The following NBAS variants were observed in gnomAD, a reference collection of about 807,000 sequenced individuals.
NBAS encodes the protein NBAS subunit of NRZ tethering complex, also known as NAG/BC035112 fusion.
NBAS carries 219 observed loss-of-function variants against 302.5 expected under a neutral mutation model. The observed-to-expected ratio is 0.72, with a 90% CI of 0.65 to 0.81. The LOEUF (loss-of-function observed/expected upper bound fraction) is 0.81. Among genes scored for constraint, NBAS ranks in the 30% least tolerant of loss-of-function variants. The pLI is 0.00. For synonymous variants in NBAS, 1,118 were observed against 1,021.6 expected (o/e 1.09, Z -1.80); for missense variants, 2,932 against 2,841.6 (o/e 1.03, Z -0.72).
chr2:15,268,473 T>C (rs2148034959), intron 44 of NBAS, among the ~76,000 whole-genome samples: 1 of 152,314 alleles, frequency 6.6e-6, no homozygotes, highest in East Asian at 1.9e-4. Context: ...GATCACATGA[T>C]AAAATGGTAA....
intron 16 of NBAS, among the ~76,000 whole-genome samples, chr2:15,471,444 T>A (rs1224606553): frequency 1.3e-5 from 2 of 152,230 alleles, no homozygotes; most frequent in African/African-American, 4.8e-5. Context: ...ATAAAACTTT[T>A]AGGGAAATAA....
At chr2:15,491,516 C>A (rs574191030) in intron 11 of NBAS, among the ~76,000 whole-genome samples, 7 of 152,288 alleles carry the variant, frequency 4.6e-5, no homozygotes, top group African/African-American at 1.7e-4. Context: ...GCGGGCACAT[C>A]ACGAGGTCAG....
At chr2:15,394,203 G>C in intron 28 of NBAS, 24 bp downstream of exon 28, 1 of 1,563,898 alleles carries the variant, frequency 6.4e-7, no homozygotes, top group South Asian at 1.2e-5. Flanking sequence ...ATTGACCCAA[G>C]TATCAATTAA....
At chr2:15,270,585 A>G (rs1406817870) in intron 44 of NBAS, among the ~76,000 whole-genome samples, 2 of 152,200 alleles carry the variant, frequency 1.3e-5, no homozygotes, top group African/African-American at 4.8e-5. Context: ...TTTGAGAATG[A>G]CCAATCTATA....
intron 36 of NBAS, among the ~76,000 whole-genome samples, chr2:15,330,039 A>G (rs1266907056): frequency 2.0e-5 from 3 of 152,202 alleles, no homozygotes. Context: ...ATAATGCCTA[A>G]TAAGTATTTG....
chr2:15,415,225 T>C lies in NBAS; in HGVS notation c.2937+321A>G, dbSNP rs142183160. 5.1e-3 allele frequency among the ~76,000 whole-genome samples: 773 copies of C among 152,328 alleles called. 3 individuals are homozygous for C. The highest frequency in any genetic ancestry group is 0.017 in the African/African-American group (687 of 41,570). Reference sequence around the variant, plus strand: ...AAGTATCTATGCCATAGGATTGTTATAAGGATTAAATGAGGTAACACTGGG... The same window carrying C: ...AAGTATCTATGCCATAGGATTGTTACAAGGATTAAATGAGGTAACACTGGG... On this transcript the variant is annotated intron_variant, in intron 25 of 51. Transcript: ENST00000281513.
chr2:15,474,116 C>G lies in NBAS; in HGVS notation c.1550G>C (p.Arg517Pro). The change falls in exon 15 of 52, where the codon CGC becomes CCC. Residue 517 changes from arginine (R) to proline (P), a missense_variant. Arg to Pro is a moderately radical substitution (Grantham distance 103). Coordinates refer to ENST00000281513, the MANE Select transcript of NBAS (RefSeq NM_015909.4). Reference sequence around the variant, plus strand: ...TGTCGTGGAGCGCAAACTCACAAGGCGGTAGTTTTTAGTAATGGTTCGTGG... The same window carrying G: ...TGTCGTGGAGCGCAAACTCACAAGGGGGTAGTTTTTAGTAATGGTTCGTGG... ...KRPRTITKNY[R>P]LVSLRSTTPE... 1.2e-6 allele frequency: 2 copies of G among 1,614,128 alleles called. No individual in the cohort carries two copies. The highest frequency in any genetic ancestry group is 8.5e-7 in the Non-Finnish European group (1 of 1,180,028).
At chr2:15,134,994 G>A in the NBAS span, among the ~76,000 whole-genome samples, 1 of 152,058 alleles carries the variant, frequency 6.6e-6, no homozygotes, top group Non-Finnish European at 1.5e-5. Flanking sequence ...TCCTAATTAG[G>A]GGAGATAAAA....
chr2:14,785,048 T>A, the NBAS span, among the ~76,000 whole-genome samples: 2 of 152,198 alleles, frequency 1.3e-5, no homozygotes, highest in African/African-American at 4.8e-5. Context: ...CCTTGTAAGG[T>A]GGATTCCTAG....
At chr2:15,022,184 A>T in the NBAS span, among the ~76,000 whole-genome samples, 2 of 152,252 alleles carry the variant, frequency 1.3e-5, no homozygotes, top group African/African-American at 4.8e-5. Context: ...CCCAACGCCC[A>T]CCTTAAGGGG....
chr2:15,186,045 G>C (rs1248233557), intron 50 of NBAS, among the ~76,000 whole-genome samples: 4 of 151,304 alleles, frequency 2.6e-5, no homozygotes, highest in Non-Finnish European at 4.4e-5. Context: ...GCTTACTTTA[G>C]AATGTTCTCC....
chr2:14,945,661 C>T, the NBAS span, among the ~76,000 whole-genome samples: 229 of 151,928 alleles, frequency 1.5e-3, no homozygotes, highest in African/African-American at 4.7e-3. Flanking sequence ...TAATTAGAGG[C>T]TCTTGACTAC....
At chr2:15,302,811 T>C (rs1245895568) in intron 40 of NBAS, among the ~76,000 whole-genome samples, 2 of 152,220 alleles carry the variant, frequency 1.3e-5, no homozygotes, top group East Asian at 3.8e-4. Context: ...GAGCACTGTC[T>C]AATCAGCTGC....
the NBAS span, among the ~76,000 whole-genome samples, chr2:14,833,958 C>T: frequency 6.6e-6 from 1 of 152,132 alleles, no homozygotes. Flanking sequence ...ATTACAAGAA[C>T]AGTCTCCTCA....
the NBAS span, among the ~76,000 whole-genome samples, chr2:15,048,259 G>A: frequency 6.6e-6 from 1 of 152,228 alleles, no homozygotes; most frequent in African/African-American, 2.4e-5. Context: ...GGCCCTGCGT[G>A]CAGTTCCACT....
rs980287602 is a variant in NBAS, at chr2:15,309,196, A to G, written c.4634T>C (p.Leu1545Pro). 5.0e-6 allele frequency: 8 copies of G among 1,612,934 alleles called. No homozygotes were observed. The highest frequency in any genetic ancestry group is 6.8e-6 in the Non-Finnish European group (8 of 1,179,304). Residue 1545 changes from leucine to proline, a missense_variant, in exon 39 of 52, where the codon CTT becomes CCT. Coordinates refer to ENST00000281513, the MANE Select transcript of NBAS (RefSeq NM_015909.4). ...EALPNDMTLA[L>P]AYLLALPQVL... ...TTGTGGTAAGGCAAGAAGGTAAGCA[A>G]GAGCCAAGGTCATGTCATTTGGCAA...
the NBAS span, among the ~76,000 whole-genome samples, chr2:14,941,233 C>T: frequency 2.6e-5 from 4 of 152,196 alleles, no homozygotes; most frequent in African/African-American, 9.7e-5. Context: ...CATAACAGTC[C>T]AGGCATCTGT....
chr2:15,418,928 C>G (rs1176114149), intron 23 of NBAS, among the ~76,000 whole-genome samples: 2 of 152,106 alleles, frequency 1.3e-5, no homozygotes, highest in Admixed American at 6.5e-5. Flanking sequence ...TAGAGCTACA[C>G]TTTGGAAGGA....
intron 29 of NBAS, 44 bp from the exon 30 acceptor site, chr2:15,379,875 T>C: frequency 2.6e-6 from 4 of 1,551,290 alleles, no homozygotes; most frequent in Non-Finnish European, 3.6e-6. Context: ...AGAGGGAAGA[T>C]TCAGTTCTCA....
Sources: allele counts gnomAD v4.1 joint callset (sites outside exome capture counted in the v4.1 genomes callset), GRCh38; gene constraint gnomAD v4.1.1; transcripts MANE v1.5; gene names NCBI Gene and HGNC (gene_info 2026-07-23, HGNC 2026-07-21).